JPH2: variants seen among roughly 807,000 people sequenced by gnomAD.
JPH2 encodes the protein junctophilin 2.
In JPH2, 38 loss-of-function variants were observed where a neutral mutation model predicts 55.9. The ratio of observed to expected loss-of-function variants is 0.68; its 90% CI spans 0.52 to 0.89. JPH2 has a LOEUF of 0.89. Among genes scored for constraint, JPH2 ranks in the 40% least tolerant of loss-of-function variants. The pLI is 0.00. For missense variants in JPH2, 964 were observed against 1,037.6 expected (o/e 0.93, Z 0.97); for synonymous variants, 480 against 472.4 (o/e 1.02, Z -0.21).
intron 2 of JPH2, among the ~76,000 whole-genome samples, chr20:44,154,128 A>T (rs758990414): frequency 6.6e-6 from 1 of 152,088 alleles, no homozygotes; most frequent in Non-Finnish European, 1.5e-5. Context: ...AGTCTCCCCA[A>T]CTGCTCAGTG....
intron 1 of JPH2, 135 bp downstream of exon 1, chr20:44,186,192 C>A (rs1180263945): frequency 2.9e-6 from 3 of 1,018,866 alleles, no homozygotes; most frequent in Admixed American, 4.7e-5. Context: ...AGCAGCTTGC[C>A]CAAAACCACA....
intron 2 of JPH2, among the ~76,000 whole-genome samples, chr20:44,149,502 C>A (rs1197345932): frequency 3.9e-5 from 6 of 152,186 alleles, no homozygotes; most frequent in African/African-American, 1.4e-4. Context: ...AGTTTTCCTG[C>A]CTGGATGTGA....
At chr20:44,116,495 C>G in intron 3 of JPH2, 109 bp from the exon 4 acceptor site, 1 of 1,276,674 alleles carries the variant, frequency 7.8e-7, no homozygotes, top group African/African-American at 1.5e-5. Flanking sequence ...AGTCGGCACT[C>G]ACATAGCACT....
chr20:44,127,423 T>A (rs1442359885), intron 2 of JPH2, among the ~76,000 whole-genome samples: 3 of 152,090 alleles, frequency 2.0e-5, no homozygotes, highest in Non-Finnish European at 2.9e-5. Context: ...CATATTATGT[T>A]CCATTGGTAA....
intron 2 of JPH2, among the ~76,000 whole-genome samples, chr20:44,131,271 T>G (rs2072316575): frequency 6.6e-6 from 1 of 152,186 alleles, no homozygotes; most frequent in African/African-American, 2.4e-5. Flanking sequence ...CCCCTCAGTC[T>G]AATAGGCTGC....
intron 2 of JPH2, among the ~76,000 whole-genome samples, chr20:44,119,893 A>G (rs1481597663): frequency 2.6e-5 from 3 of 113,702 alleles, no homozygotes; most frequent in African/African-American, 6.9e-5. Context: ...AAAAAAAAAA[A>G]AATCCTGCCC....
intron 4 of JPH2, among the ~76,000 whole-genome samples, chr20:44,115,381 C>G (rs376576710): frequency 1.3e-5 from 2 of 152,124 alleles, no homozygotes; most frequent in Non-Finnish European, 2.9e-5. Flanking sequence ...TCCAGCTGCT[C>G]AGGCTCCCAG....
chr20:44,159,646 G>T lies in JPH2; in HGVS notation c.1141C>A (p.Arg381Ser). ...GAGGCGGCAATCTCGGCCTTCTGGC[G>T]CGCGATAGCAGCGGCGCGCTGGGCA... The part of the protein sequence containing the change: ...EGAQRAAAIA[R>S]QKAEIAASRT... The change falls in exon 2 of 6, where the codon CGC becomes AGC. Residue 381 changes from arginine (R) to serine (S), a missense_variant. Arg to Ser is a moderately radical substitution (Grantham distance 110). Transcript: ENST00000372980. The surrounding 1 kb of genome is among the most constrained non-coding windows in gnomAD (Gnocchi z 5.7). The T allele has an allele frequency of 6.2e-7, 1 of 1,606,798 alleles. No homozygotes were observed.
chr20:44,114,478 A>G (rs1044354187), intron 5 of JPH2, among the ~76,000 whole-genome samples: 1 of 152,006 alleles, frequency 6.6e-6, no homozygotes. Context: ...AGAGCAGTAC[A>G]TGTTGGCCAA....
rs1247189279 is a variant in JPH2 at position 44,115,712 on chromosome 20, G to A, written c.1963C>T (p.Arg655Trp). 6.2e-6 allele frequency: 10 copies of A among 1,613,398 alleles called. No homozygotes were observed. The highest frequency in any genetic ancestry group is 4.5e-5 in the East Asian group (2 of 44,852). Residue 655 changes from arginine (R) to tryptophan (W), a missense_variant, in exon 4 of 6, where the codon CGG becomes TGG. Transcript: ENST00000372980. ...TCTGCCGCCAGTGCGGCCTCCTTCC[G>A]CGCCTTCTTCTTGGCCCCCGCCTTG... ...LTKAGAKKKA[R>W]KEAALAAEAE...
At position 44,116,059 on chromosome 20, in the gene JPH2, G is replaced by T; in HGVS notation, c.1616C>A (p.Ala539Asp). 1.9e-6 allele frequency: 3 copies of T among 1,556,978 alleles called. No homozygotes were observed. The highest frequency in any genetic ancestry group is 2.6e-6 in the Non-Finnish European group (3 of 1,161,018). ...GAGRRSPARP[A>D]TERMAIEALQ... ...AGCCTCGATGGCCATGCGCTCGGTG[G>T]CTGGACGCGCGGGGCTGCGGCGGCC... The change falls in exon 4 of 6, where the codon GCC becomes GAC. Residue 539 changes from alanine to aspartate, a missense_variant. Physicochemically the swap from Ala to Asp is moderately radical, Grantham distance 126. Transcript: ENST00000372980.
At chr20:44,174,572 G>A (rs912514588) in intron 1 of JPH2, among the ~76,000 whole-genome samples, 72 of 152,190 alleles carry the variant, frequency 4.7e-4, no homozygotes, top group Admixed American at 1.9e-3. Flanking sequence ...TCAGGAGTTC[G>A]CGACCAGCCT....
intron 1 of JPH2, among the ~76,000 whole-genome samples, chr20:44,175,011 G>T (rs1047471814): frequency 5.3e-5 from 8 of 150,662 alleles, no homozygotes; most frequent in Non-Finnish European, 8.9e-5. Context: ...TAAAAAAAAA[G>T]AAAACAAAAT....
At position 44,183,672 on chromosome 20, in the gene JPH2, C is replaced by T. The variant is rs142649514; in HGVS notation, c.379+2655G>A. On this transcript the variant is annotated intron_variant, in intron 1 of 5. Transcript: ENST00000372980. ...TGTCAAAAAGAGGAGACACTAGTGA[C>T]GAATATAATGTCCTATGAATGCCTT... Among the ~76,000 whole-genome samples the T allele has an allele frequency of 4.6e-3, 705 of 152,264 alleles. 2 individuals carry two copies. The highest frequency in any genetic ancestry group is 7.5e-3 in the Admixed American group (114 of 15,290).
Position 44,160,076 on chromosome 20 carries a change from C to T in JPH2, c.711G>A (p.Thr237=). ...LGKLRRAESR[T]SVGSQRSRVS... ...CACGGCTGCGCTGGCTACCCACGGA[C>T]GTGCGCGACTCTGCGCGCCGCAGCT... The change falls in exon 2 of 6, where the codon ACG becomes ACA. Residue 237 remains threonine (T), a synonymous_variant. Coordinates refer to ENST00000372980, the MANE Select transcript of JPH2 (RefSeq NM_020433.5). The surrounding 1 kb of genome is among the most constrained non-coding windows in gnomAD (Gnocchi z 4.9). 1 of 1,535,790 alleles carries T rather than the reference C, an allele frequency of 6.5e-7. No individual in the cohort carries two copies. The highest frequency in any genetic ancestry group is 2.4e-5 in the East Asian group (1 of 40,890).
At chr20:44,146,922 T>C (rs1382861845) in intron 2 of JPH2, among the ~76,000 whole-genome samples, 1 of 152,228 alleles carries the variant, frequency 6.6e-6, no homozygotes, top group African/African-American at 2.4e-5. Context: ...ATAATTAAAA[T>C]GCACATTCTT....
intron 2 of JPH2, among the ~76,000 whole-genome samples, chr20:44,124,896 C>T (rs62205907): frequency 0.13 from 19,776 of 151,768 alleles, 1,446 homozygotes; most frequent in South Asian, 0.21. Context: ...TCACTTGAGA[C>T]TAGGAGATCA....
chr20:44,135,919 T>C (rs1036214403), intron 2 of JPH2, among the ~76,000 whole-genome samples: 1 of 152,214 alleles, frequency 6.6e-6, no homozygotes, highest in African/African-American at 2.4e-5. Flanking sequence ...GGTTAGGTAC[T>C]ACATGACAGG....
At chr20:44,153,951 A>G (rs1409588954) in intron 2 of JPH2, among the ~76,000 whole-genome samples, 1 of 152,154 alleles carries the variant, frequency 6.6e-6, no homozygotes, top group Non-Finnish European at 1.5e-5. Flanking sequence ...CAACCTGAAA[A>G]CTTTAGGCGC....
Sources: allele counts gnomAD v4.1 joint callset (sites outside exome capture counted in the v4.1 genomes callset), GRCh38; gene constraint gnomAD v4.1.1; non-coding constraint Gnocchi (gnomAD v3.1); transcripts MANE v1.5; gene names NCBI Gene and HGNC (gene_info 2026-07-23, HGNC 2026-07-21).